BICD1: variants seen among roughly 807,000 people sequenced by gnomAD.
BICD1 encodes protein bicaudal D homolog 1.
In BICD1, 35 loss-of-function variants were observed where a neutral mutation model predicts 92.5. That is an observed-to-expected ratio of 0.38 (90% CI 0.29 to 0.50). BICD1 has a LOEUF of 0.50. Among genes scored for constraint, BICD1 ranks in the 20% least tolerant of loss-of-function variants. The pLI is 0.93. For synonymous variants in BICD1, 429 were observed against 465.1 expected, an observed-to-expected ratio of 0.92 and a Z score of 1.00; for missense variants, 950 against 1,189.8, an observed-to-expected ratio of 0.80 and a Z score of 2.97.
intron 1 of BICD1, among the ~76,000 whole-genome samples, chr12:32,124,531 C>T (rs778330381): frequency 6.6e-6 from 1 of 152,084 alleles, no homozygotes; most frequent in African/African-American, 2.4e-5. Context: ...ATGACAAGCA[C>T]TTGATAAATG....
chr12:32,317,295 A>G (rs1293014331), intron 4 of BICD1, among the ~76,000 whole-genome samples: 3 of 152,222 alleles, frequency 2.0e-5, no homozygotes, highest in African/African-American at 7.2e-5. Flanking sequence ...GACTTCCACA[A>G]TGGTCGAACT....
At chr12:32,192,425 C>A (rs1225065246) in intron 1 of BICD1, among the ~76,000 whole-genome samples, 1 of 141,884 alleles carries the variant, frequency 7.0e-6, no homozygotes, top group Non-Finnish European at 1.5e-5. Context: ...CAGAGCGAGA[C>A]TCTGTTAAAT....
chr12:32,259,927 T>A (rs1946813326), intron 2 of BICD1, among the ~76,000 whole-genome samples: 1 of 135,240 alleles, frequency 7.4e-6, no homozygotes, highest in East Asian at 1.9e-4. Flanking sequence ...CTACACACTT[T>A]TTTTTTTTTT....
intron 2 of BICD1, among the ~76,000 whole-genome samples, chr12:32,293,474 C>G (rs561687435): frequency 1.7e-5 from 2 of 114,712 alleles, no homozygotes; most frequent in African/African-American, 6.4e-5. Flanking sequence ...CCCACCACCA[C>G]GCCTGGCTAA....
At chr12:32,107,903 A>G (rs953566405) in intron 1 of BICD1, 2 of 577,020 alleles carry the variant, frequency 3.5e-6, no homozygotes, top group African/African-American at 3.7e-5. Context: ...TTCAGCGACA[A>G]TTTCGTAGTC....
At chr12:32,117,709 T>TACACACACACACAC (rs71064996) in intron 1 of BICD1, among the ~76,000 whole-genome samples, 169 of 85,072 alleles carry the variant, frequency 2.0e-3, no homozygotes, top group African/African-American at 9.2e-3. Context: ...CACAAATATA[T>TACACACACACACAC]ATACACACAC....
At chr12:32,246,568 G>C (rs1003148248) in intron 2 of BICD1, among the ~76,000 whole-genome samples, 2 of 152,114 alleles carry the variant, frequency 1.3e-5, no homozygotes, top group Non-Finnish European at 2.9e-5. Flanking sequence ...AGCCTGGGGG[G>C]TTGAGGCTGC....
chr12:32,109,944 A>T (rs1017750703), intron 1 of BICD1, among the ~76,000 whole-genome samples: 84 of 152,334 alleles, frequency 5.5e-4, no homozygotes, highest in African/African-American at 2.0e-3. Flanking sequence ...CTCATCAGGT[A>T]TGTATAGTAA....
intron 2 of BICD1, among the ~76,000 whole-genome samples, chr12:32,233,689 G>A (rs1231747509): frequency 1.3e-5 from 2 of 151,954 alleles, no homozygotes; most frequent in African/African-American, 4.8e-5. Flanking sequence ...AGCTCAATTT[G>A]GTTTCAAACT....
chr12:32,325,158 T>C (rs1385642187), intron 4 of BICD1, among the ~76,000 whole-genome samples: 1 of 138,198 alleles, frequency 7.2e-6, no homozygotes, highest in Non-Finnish European at 1.6e-5. Flanking sequence ...TTTTTTTTTT[T>C]TCAGATTTCA....
Position 32,367,701 on chromosome 12 carries a change from A to ACAGTGCTCACAACTAGC in BICD1, c.2798_2814dup (p.Gly939SerfsTer5). The ACAGTGCTCACAACTAGC allele has an allele frequency of 6.2e-7, 1 of 1,614,164 alleles. No individual in the cohort carries two copies. Among genetic ancestry groups the ACAGTGCTCACAACTAGC allele is most frequent in the Non-Finnish European group, 8.5e-7 (1 of 1,180,036 alleles). On this transcript the variant is annotated frameshift_variant, in exon 9 of 10. Transcript: ENST00000652176. LOFTEE classifies it high-confidence loss of function. The stretch of plus-strand genomic sequence containing the variant: ...AGCAGCCTGCTGCCTCCGTACCGCC[A>ACAGTGCTCACAACTAGC]CAGTGCTCACAACTAGCCGGGAGGC...
chr12:32,296,403 A>G (rs1282651153), intron 3 of BICD1, among the ~76,000 whole-genome samples: 3 of 151,604 alleles, frequency 2.0e-5, no homozygotes, highest in Non-Finnish European at 4.4e-5. Context: ...GACTACATGC[A>G]TGTATCACCA....
chr12:32,327,346 G>A, intron 4 of BICD1, 115 bp from the exon 5 acceptor site: 2 of 1,241,702 alleles, frequency 1.6e-6, no homozygotes, highest in Non-Finnish European at 1.1e-6. Flanking sequence ...GAAATAGTGG[G>A]AACATTGGCT....
At chr12:32,340,554 T>C (rs969326516) in intron 8 of BICD1, 15 of 898,152 alleles carry the variant, frequency 1.7e-5, no homozygotes, top group African/African-American at 3.6e-5. Flanking sequence ...TGCTGTTTAA[T>C]TAAAAAGATA....
rs1948202967 is a variant in BICD1 at position 32,305,949 on chromosome 12, G to C, written c.832G>C (p.Glu278Gln). The C allele has an allele frequency of 6.2e-7, 1 of 1,614,148 alleles. No homozygotes were observed. The highest frequency in any genetic ancestry group is 8.5e-7 in the Non-Finnish European group (1 of 1,180,034). The change falls in exon 4 of 10, where the codon GAA (glutamate) becomes CAA (glutamine). Residue 278 changes from glutamate (E) to glutamine (Q), a missense_variant. Glu to Gln is a conservative substitution (Grantham distance 29, BLOSUM62 2). This residue lies in a region of BICD1 where 246 missense variants were observed against 258.4 expected (regional missense o/e 0.95). Transcript: ENST00000652176. The stretch of plus-strand genomic sequence containing the variant: ...ACTCAAATTTGCCGAGGATGGGAGT[G>C]AACCAAACAATGATGACAAAATGAA... ...DGLKFAEDGS[E>Q]PNNDDKMNGH...
chr12:32,248,359 T>C (rs1220444707), intron 2 of BICD1, among the ~76,000 whole-genome samples: 2 of 152,162 alleles, frequency 1.3e-5, no homozygotes, highest in African/African-American at 4.8e-5. Flanking sequence ...ACAGTTCATA[T>C]CAGGATTTTG....
chr12:32,189,386 C>G (rs191965296), intron 1 of BICD1, among the ~76,000 whole-genome samples: 1 of 152,172 alleles, frequency 6.6e-6, no homozygotes, highest in Non-Finnish European at 1.5e-5. Context: ...TTCTCTTTTT[C>G]TCCTCCTCTT....
intron 8 of BICD1, among the ~76,000 whole-genome samples, chr12:32,364,083 C>T (rs1939435719): frequency 6.6e-6 from 1 of 152,138 alleles, no homozygotes; most frequent in South Asian, 2.1e-4. Context: ...GCTTATCTTC[C>T]TTGATAAAAC....
chr12:32,268,585 C>T (rs1947058837), intron 2 of BICD1, among the ~76,000 whole-genome samples: 1 of 152,104 alleles, frequency 6.6e-6, no homozygotes, highest in African/African-American at 2.4e-5. Context: ...CACTTGAGGT[C>T]AGGAATTCAA....
Sources: allele counts gnomAD v4.1 joint callset (sites outside exome capture counted in the v4.1 genomes callset), GRCh38; gene constraint gnomAD v4.1.1; regional missense constraint gnomAD v4.1.1; transcripts MANE v1.5; gene names NCBI Gene and HGNC (gene_info 2026-07-23, HGNC 2026-07-21).